NDUFAF6: variants seen among roughly 807,000 people sequenced by gnomAD.
NDUFAF6 encodes the protein NADH:ubiquinone oxidoreductase complex assembly factor 6.
A neutral mutation model predicts 40.8 loss-of-function variants in NDUFAF6; 45 were observed. The ratio of observed to expected loss-of-function variants is 1.10; its 90% CI spans 0.87 to 1.42. The LOEUF (loss-of-function observed/expected upper bound fraction) is 1.42, where lower values mean the gene tolerates loss of function less well. NDUFAF6 is among the 40% of genes most tolerant of loss of function. The pLI, the probability that NDUFAF6 is intolerant of heterozygous loss-of-function variation, is 0.00. For synonymous variants in NDUFAF6, 185 were observed against 155.9 expected, an observed-to-expected ratio of 1.19 and a Z score of -1.39; for missense variants, 435 against 418.5, an observed-to-expected ratio of 1.04 and a Z score of -0.34.
intron 1 of NDUFAF6, among the ~76,000 whole-genome samples, chr8:94,972,781 T>G (rs1326059710): frequency 6.8e-6 from 1 of 148,114 alleles, no homozygotes; most frequent in Non-Finnish European, 1.5e-5. Flanking sequence ...ATGCCTGTAG[T>G]CCCAGCTACT....
At chr8:95,017,780 T>G (rs1402581148) in intron 2 of NDUFAF6, among the ~76,000 whole-genome samples, 2 of 152,230 alleles carry the variant, frequency 1.3e-5, no homozygotes, top group Non-Finnish European at 2.9e-5. Context: ...GGGTTTTTTT[T>G]GTTTTAACAT....
intron 2 of NDUFAF6, among the ~76,000 whole-genome samples, chr8:95,016,144 T>C (rs1317475685): frequency 6.6e-6 from 1 of 152,168 alleles, no homozygotes; most frequent in Non-Finnish European, 1.5e-5. Flanking sequence ...GTGCCTTACA[T>C]ATATTAATGT....
intron 1 of NDUFAF6, among the ~76,000 whole-genome samples, chr8:94,960,590 A>G (rs189581127): frequency 2.0e-4 from 31 of 152,296 alleles, no homozygotes; most frequent in Admixed American, 1.8e-3. Context: ...TTTTATTCCA[A>G]TTGGCAGAAC....
chr8:94,967,495 G>T lies in NDUFAF6; in HGVS notation c.-199+9316G>T, dbSNP rs1416552506. 2.0e-5 allele frequency among the ~76,000 whole-genome samples: 3 copies of T among 152,090 alleles called. No individual in the cohort carries two copies. The East Asian group carries it at 5.8e-4, about 29-fold the overall frequency. ...TCTAGGTGCCAGAGATAATGACAGA[G>T]ATCCTTTAGTCATCTGTTGCATTAT... On this transcript the variant is annotated intron_variant, in intron 1 of 9. Transcript: ENST00000396111.
At chr8:95,024,871 C>A, upstream of NDUFAF6, 1 of 744,970 alleles carries the variant, frequency 1.3e-6, no homozygotes, top group Non-Finnish European at 1.9e-6. Context: ...ACCACAGCGA[C>A]ACCTGGCTCT....
At chr8:95,054,139 A>G (rs1831803573) in intron 8 of NDUFAF6, among the ~76,000 whole-genome samples, 2 of 150,086 alleles carry the variant, frequency 1.3e-5, no homozygotes, top group South Asian at 4.2e-4. Context: ...AAGAGATGGA[A>G]TCTCAGTATG....
At chr8:95,003,576 A>AG (rs1350949251) in intron 2 of NDUFAF6, among the ~76,000 whole-genome samples, 1 of 152,206 alleles carries the variant, frequency 6.6e-6, no homozygotes, top group Non-Finnish European at 1.5e-5. Flanking sequence ...ACAGAGACTC[A>AG]GCCACATTTT....
chr8:95,113,388 C>G (rs1261714406), intron 4 of NDUFAF6, among the ~76,000 whole-genome samples: 1 of 152,144 alleles, frequency 6.6e-6, no homozygotes, highest in Non-Finnish European at 1.5e-5. Context: ...GGAGGGAGGT[C>G]TCATGGAGGA....
At chr8:94,959,372 G>A (rs1201575873) in intron 1 of NDUFAF6, among the ~76,000 whole-genome samples, 4 of 152,172 alleles carry the variant, frequency 2.6e-5, no homozygotes, top group Non-Finnish European at 5.9e-5. Context: ...GAGGAGGAAG[G>A]AGGTCAATGG....
intron 2 of NDUFAF6, among the ~76,000 whole-genome samples, chr8:94,991,788 C>A (rs1178861333): frequency 7.0e-6 from 1 of 142,226 alleles, no homozygotes; most frequent in Non-Finnish European, 1.5e-5. Context: ...AGAGCTTCCT[C>A]ATTCTTCGCC....
downstream of NDUFAF6, among the ~76,000 whole-genome samples, chr8:95,063,052 G>T (rs1832610064): frequency 6.6e-6 from 1 of 152,220 alleles, no homozygotes; most frequent in Non-Finnish European, 1.5e-5. Context: ...TGAGGAAGAA[G>T]TGAGGCTGGA....
At chr8:94,944,053 A>G (rs953047544) in intron 1 of NDUFAF6, among the ~76,000 whole-genome samples, 3 of 152,256 alleles carry the variant, frequency 2.0e-5, no homozygotes, top group African/African-American at 7.2e-5. Context: ...AGGGAAAAAC[A>G]TATTTTCAAA....
chr8:95,053,224 C>T (rs919510559), intron 8 of NDUFAF6, among the ~76,000 whole-genome samples: 2 of 152,226 alleles, frequency 1.3e-5, no homozygotes, highest in East Asian at 1.9e-4. Context: ...TTTAAATTTT[C>T]GTAGTGTAAG....
intron 2 of NDUFAF6, among the ~76,000 whole-genome samples, chr8:95,091,310 C>G (rs2341400): frequency 0.7 from 105,937 of 151,854 alleles, 37,666 homozygotes; most frequent in East Asian, 0.89. Flanking sequence ...GCAGGAAAAA[C>G]AAGAGTGAGG....
At chr8:95,110,304 T>C (rs1809963671) in intron 4 of NDUFAF6, among the ~76,000 whole-genome samples, 1 of 152,246 alleles carries the variant, frequency 6.6e-6, no homozygotes, top group Non-Finnish European at 1.5e-5. Flanking sequence ...ACTGTCAAGA[T>C]GCCTTTGTGG....
At chr8:95,045,202 A>G (rs1006830653) in intron 4 of NDUFAF6, among the ~76,000 whole-genome samples, 1 of 152,158 alleles carries the variant, frequency 6.6e-6, no homozygotes, top group East Asian at 1.9e-4. Flanking sequence ...GGTTAAGAAG[A>G]TAATGTCTAA....
At position 95,007,659 on chromosome 8, in the gene NDUFAF6, G is replaced by GTTT. The variant is rs553474402; in HGVS notation, c.-83-24315_-83-24313dup. On this transcript the variant is annotated intron_variant, in intron 2 of 9. Coordinates refer to the NDUFAF6 transcript ENST00000396111. ...AGCCTGGGCAACAGTGTGAGGCTCT[G>GTTT]TTTTTTTTTTTTTTTTTTTTTTTAA... is the stretch of plus-strand genomic sequence containing the variant. Among the ~76,000 whole-genome samples the GTTT allele has an allele frequency of 2.1e-3, 221 of 103,804 alleles. 1 individual carries two copies. Among genetic ancestry groups the GTTT allele is most frequent in the African/African-American group, 6.9e-3 (195 of 28,140 alleles). The allele number at this position is 103,804 out of a possible 152,430, so 68.1% of individuals were successfully genotyped here. A position where few individuals can be genotyped will look rare whatever the true frequency, so the allele number is the denominator to read the frequency against.
intron 1 of NDUFAF6, among the ~76,000 whole-genome samples, chr8:94,914,125 T>TTTC (rs1818969358): frequency 6.6e-6 from 1 of 150,770 alleles, no homozygotes; most frequent in African/African-American, 2.4e-5. Context: ...TTTTTTTTTT[T>TTTC]TCAGTGGTTT....
chr8:94,957,505 C>T (rs1193763270), upstream of NDUFAF6, among the ~76,000 whole-genome samples: 2 of 152,028 alleles, frequency 1.3e-5, no homozygotes, highest in Non-Finnish European at 2.9e-5. Flanking sequence ...AATAAGACAG[C>T]GTGGTAGCCT....
Sources: gnomAD v4.1 joint callset for allele counts (sites outside exome capture counted in the v4.1 genomes callset) on GRCh38, gnomAD v4.1.1 for gene constraint, MANE v1.5 for transcripts, NCBI Gene and HGNC (gene_info 2026-07-23, HGNC 2026-07-21) for gene names.